SORCS3: variants seen among roughly 807,000 people sequenced by gnomAD.
SORCS3 encodes the protein VPS10 domain-containing receptor SorCS3.
SORCS3 carries 57 observed loss-of-function variants against 146.3 expected under a neutral mutation model. The ratio of observed to expected loss-of-function variants is 0.39; its 90% CI spans 0.31 to 0.49. SORCS3 has a LOEUF of 0.49. Among genes scored for constraint, SORCS3 ranks in the 20% least tolerant of loss-of-function variants. The probability of loss-of-function intolerance (pLI) is 0.92; values close to 1 mark genes in which losing one functional copy is unlikely to be tolerated. For missense variants in SORCS3, 1,341 were observed against 1,575.5 expected, an observed-to-expected ratio of 0.85 and a Z score of 2.52; for synonymous variants, 653 against 618.5, an observed-to-expected ratio of 1.06 and a Z score of -0.83.
At chr10:105,256,368 C>T (rs1210572573) in intron 24 of SORCS3, among the ~76,000 whole-genome samples, 1 of 152,154 alleles carries the variant, frequency 6.6e-6, no homozygotes, top group Non-Finnish European at 1.5e-5. Context: ...TAAGACTTTT[C>T]CAAGGTGTAG....
chr10:104,849,210 C>T (rs1409835461), intron 2 of SORCS3, among the ~76,000 whole-genome samples: 5 of 151,932 alleles, frequency 3.3e-5, no homozygotes, highest in Admixed American at 6.6e-5. Context: ...CAGGGGTTCA[C>T]GACCAGCCTG....
intron 6 of SORCS3, among the ~76,000 whole-genome samples, chr10:105,099,914 T>C (rs2055771545): frequency 6.6e-6 from 1 of 152,158 alleles, no homozygotes; most frequent in Middle Eastern, 3.2e-3. Context: ...TGTCTGATGT[T>C]CTCTGCTTCC....
intron 4 of SORCS3, among the ~76,000 whole-genome samples, chr10:104,981,136 A>G (rs531840719): frequency 1.3e-5 from 2 of 152,264 alleles, no homozygotes; most frequent in East Asian, 1.9e-4. Context: ...ATTTCTGGTC[A>G]GCTTAATTTG....
chr10:104,721,692 C>A (rs189780590), intron 1 of SORCS3, among the ~76,000 whole-genome samples: 221 of 152,212 alleles, frequency 1.5e-3, no homozygotes, highest in African/African-American at 5.2e-3. Context: ...AGGTCCTTCA[C>A]GTCCCTTATA....
chr10:105,152,077 A>G (rs924790118), intron 9 of SORCS3, among the ~76,000 whole-genome samples: 1 of 152,184 alleles, frequency 6.6e-6, no homozygotes, highest in Non-Finnish European at 1.5e-5. Context: ...ACTCTCCCTA[A>G]TAAATCAAGA....
At chr10:105,102,820 T>C (rs2055795233) in intron 6 of SORCS3, among the ~76,000 whole-genome samples, 1 of 148,620 alleles carries the variant, frequency 6.7e-6, no homozygotes, top group Non-Finnish European at 1.5e-5. Flanking sequence ...AGATGGAGTT[T>C]TGCTCTGTCA....
At chr10:104,655,983 G>T (rs2015625122) in intron 1 of SORCS3, among the ~76,000 whole-genome samples, 1 of 152,188 alleles carries the variant, frequency 6.6e-6, no homozygotes, top group Non-Finnish European at 1.5e-5. Context: ...TGTGAGAATG[G>T]ACTAACACAT....
intron 2 of SORCS3, among the ~76,000 whole-genome samples, chr10:104,878,180 A>T (rs940345995): frequency 6.6e-6 from 1 of 152,172 alleles, no homozygotes; most frequent in Non-Finnish European, 1.5e-5. Context: ...TGTTGAACCC[A>T]TACTTCATTC....
In SORCS3 at chr10:104,915,832, G is replaced by A; in HGVS notation, c.696-1G>A. 6.2e-7 allele frequency: 1 copy of A among 1,613,870 alleles called. No homozygotes were observed. The highest frequency in any genetic ancestry group is 8.5e-7 in the Non-Finnish European group (1 of 1,179,836). On this transcript the variant is annotated splice_acceptor_variant, in intron 2 of 26. Coordinates refer to ENST00000369701, the MANE Select transcript of SORCS3 (RefSeq NM_014978.3). LOFTEE classifies it high-confidence loss of function. ...CTCTCTGTTTTCTCTTTTACCTGCA[G>A]GTCGACAGATTATGGCACCACCTAT...
intron 1 of SORCS3, among the ~76,000 whole-genome samples, chr10:104,746,116 G>A (rs1448594541): frequency 6.6e-6 from 1 of 151,122 alleles, no homozygotes; most frequent in Non-Finnish European, 1.5e-5. Flanking sequence ...TGGGTATGAT[G>A]TGTTGTTTTG....
At chr10:104,738,159 C>CTG (rs1244389800) in intron 1 of SORCS3, among the ~76,000 whole-genome samples, 1 of 152,204 alleles carries the variant, frequency 6.6e-6, no homozygotes. Flanking sequence ...GTTTTGGTTA[C>CTG]TGTAGCCTTG....
chr10:104,817,480 CCTTCTCCCTCCTCTCG>C (rs2133524478), intron 1 of SORCS3, among the ~76,000 whole-genome samples: 2 of 92,272 alleles, frequency 2.2e-5, no homozygotes, highest in South Asian at 1.2e-3. Context: ...TTCCTCCTCT[CCTTCTCCCTCCTCTCG>C]CTTCTCCCTC....
At chr10:104,822,267 C>T (rs770127330) in intron 1 of SORCS3, among the ~76,000 whole-genome samples, 1 of 152,188 alleles carries the variant, frequency 6.6e-6, no homozygotes, top group African/African-American at 2.4e-5. Flanking sequence ...ACAAGAAGGA[C>T]TGCCGTGTCC....
chr10:105,169,757 G>A (rs2056344666), intron 13 of SORCS3, among the ~76,000 whole-genome samples: 1 of 152,064 alleles, frequency 6.6e-6, no homozygotes, highest in South Asian at 2.1e-4. Flanking sequence ...GGACTGAGTA[G>A]GACTTGCACT....
At chr10:105,084,458 G>A (rs926347801) in intron 5 of SORCS3, among the ~76,000 whole-genome samples, 1 of 152,178 alleles carries the variant, frequency 6.6e-6, no homozygotes, top group Non-Finnish European at 1.5e-5. Flanking sequence ...TTTGCTTGGT[G>A]TATTTGTGTG....
At chr10:104,906,556 A>G (rs958605227) in intron 2 of SORCS3, among the ~76,000 whole-genome samples, 4 of 152,356 alleles carry the variant, frequency 2.6e-5, no homozygotes, top group Middle Eastern at 3.4e-3. Context: ...AAGCTTCACA[A>G]AAGCCCTAAG....
At chr10:105,112,293 G>A (rs1274622765) in intron 7 of SORCS3, among the ~76,000 whole-genome samples, 1 of 152,018 alleles carries the variant, frequency 6.6e-6, no homozygotes, top group African/African-American at 2.4e-5. Flanking sequence ...TGAAACCAGT[G>A]TCATTTAAAA....
intron 1 of SORCS3, among the ~76,000 whole-genome samples, chr10:104,671,927 ACTTTT>A (rs1454006617): frequency 6.6e-6 from 1 of 152,050 alleles, no homozygotes; most frequent in Non-Finnish European, 1.5e-5. Flanking sequence ...ACTGGTCTAT[ACTTTT>A]CTTTTCTTAT....
chr10:105,149,549 A>G (rs2056154252), intron 9 of SORCS3, among the ~76,000 whole-genome samples: 1 of 152,168 alleles, frequency 6.6e-6, no homozygotes, highest in Non-Finnish European at 1.5e-5. Context: ...ATTGGACAAT[A>G]AGTCACATCT....
Sources: gnomAD v4.1 joint callset for allele counts (sites outside exome capture counted in the v4.1 genomes callset) on GRCh38, gnomAD v4.1.1 for gene constraint, MANE v1.5 for transcripts, NCBI Gene and HGNC (gene_info 2026-07-23, HGNC 2026-07-21) for gene names.